DMD: variants seen among roughly 807,000 people sequenced by gnomAD.
The protein encoded by DMD is dystrophin, also known as mutant dystrophin.
DMD carries 63 observed loss-of-function variants against 330.1 expected under a neutral mutation model. The ratio of observed to expected loss-of-function variants is 0.19; its 90% CI spans 0.16 to 0.24. The LOEUF (loss-of-function observed/expected upper bound fraction) is 0.24. DMD is among the 10% of genes least tolerant of loss of function. The pLI is 1.00. For missense variants in DMD, 3,344 were observed against 2,684.1 expected, an observed-to-expected ratio of 1.25 and a Z score of -5.43; for synonymous variants, 1,223 against 959.8, an observed-to-expected ratio of 1.27 and a Z score of -5.07.
intron 44 of DMD, among the ~76,000 whole-genome samples, chrX:32,045,353 T>G (rs1295833049): frequency 5.2e-4 from 55 of 105,976 alleles, no homozygotes; most frequent in African/African-American, 1.8e-3. Flanking sequence ...TTTGTTTTTT[T>G]TTTTTTTAAA....
chrX:32,974,973 AGAAAAAGGAGTACT>A (rs1334559118), intron 2 of DMD, among the ~76,000 whole-genome samples: 1 of 112,116 alleles, frequency 8.9e-6, no homozygotes, highest in Non-Finnish European at 1.9e-5. Flanking sequence ...AAATGAAGCT[AGAAAAAGGAGTACT>A]GAAAATATTA....
At chrX:32,645,568 C>A (rs1305941942) in intron 9 of DMD, among the ~76,000 whole-genome samples, 1 of 111,283 alleles carries the variant, frequency 9.0e-6, no homozygotes, top group African/African-American at 3.3e-5. Flanking sequence ...TCCTGAGAGG[C>A]CCTAGGTAAT....
intron 17 of DMD, among the ~76,000 whole-genome samples, chrX:32,527,196 T>C (rs935194282): frequency 8.9e-6 from 1 of 112,067 alleles, no homozygotes; most frequent in Admixed American, 9.4e-5. Flanking sequence ...AGATAATTTA[T>C]GAAACCAATT....
chrX:33,011,697 T>A (rs1315966446), intron 2 of DMD, among the ~76,000 whole-genome samples: 1 of 112,312 alleles, frequency 8.9e-6, no homozygotes, highest in African/African-American at 3.2e-5. Flanking sequence ...AAGTATTTGT[T>A]AAATGTTGAA....
chrX:33,319,401 A>AC (rs2053982209), intron 1 of DMD, among the ~76,000 whole-genome samples: 2 of 111,322 alleles, frequency 1.8e-5, no homozygotes, highest in African/African-American at 6.5e-5. Flanking sequence ...TAATGTATTT[A>AC]GAAATCTGGG....
At chrX:32,038,134 A>G (rs2095965537) in intron 44 of DMD, among the ~76,000 whole-genome samples, 1 of 111,891 alleles carries the variant, frequency 8.9e-6, no homozygotes, top group Non-Finnish European at 1.9e-5. Context: ...GTAAATAGTC[A>G]TTGCTCTCTA....
chrX:32,408,187 T>C (rs1237471045), intron 30 of DMD, among the ~76,000 whole-genome samples: 1 of 111,925 alleles, frequency 8.9e-6, no homozygotes, highest in African/African-American at 3.2e-5. Context: ...GGTCAACACA[T>C]GCTGTTACAT....
At chrX:32,727,968 T>C (rs1212717603) in intron 7 of DMD, among the ~76,000 whole-genome samples, 1 of 111,665 alleles carries the variant, frequency 9.0e-6, no homozygotes, top group African/African-American at 3.3e-5. Context: ...AAAATGAGCT[T>C]GTATTTCTCA....
intron 2 of DMD, among the ~76,000 whole-genome samples, chrX:32,894,547 T>G (rs1280976333): frequency 8.9e-6 from 1 of 112,685 alleles, no homozygotes; most frequent in Non-Finnish European, 1.9e-5. Context: ...GACGTTCACC[T>G]GGCAACCTTC....
In DMD at chrX:31,605,476, TA is replaced by T. The variant is rs35898743; in HGVS notation, c.8217+22196del. Among the ~76,000 whole-genome samples, 7 of 111,574 alleles carry T rather than the reference TA, an allele frequency of 6.3e-5. No homozygotes were observed. In the East Asian group the frequency reaches 8.4e-4, roughly 13 times the overall value. Reference sequence around the variant, plus strand: ...GAAAATGTGTATCTGCATCAATTGTTAAAAAAAACCTTTTTTTTGGATAAAT... The same window carrying T: ...GAAAATGTGTATCTGCATCAATTGTTAAAAAAACCTTTTTTTTGGATAAAT... On this transcript the variant is annotated intron_variant, in intron 55 of 78. Transcript: ENST00000357033.
rs140776045 is a variant in DMD at position 32,434,657 on chromosome X, A to C, written c.4071+3584T>G. On this transcript the variant is annotated intron_variant, in intron 29 of 78. Transcript: ENST00000357033. The stretch of plus-strand genomic sequence containing the variant: ...ACTGCATCGAAACAACAGTCTTTTT[A>C]ACTAGATAGTGGAAATATCCAAAGG... Among the ~76,000 whole-genome samples the C allele has an allele frequency of 5.6e-3, 624 of 112,115 alleles. 5 individuals carry two copies. In the South Asian group the frequency reaches 0.068, roughly 12 times the overall value.
chrX:31,157,972 T>TA (rs922093318), intron 74 of DMD, among the ~76,000 whole-genome samples: 86 of 102,986 alleles, frequency 8.4e-4, no homozygotes, highest in Admixed American at 1.7e-3. Flanking sequence ...CCTGGCTAAT[T>TA]AAAAAAAAAA....
At chrX:31,757,191 A>AT (rs2089183907) in intron 51 of DMD, among the ~76,000 whole-genome samples, 1 of 111,801 alleles carries the variant, frequency 8.9e-6, no homozygotes, top group Non-Finnish European at 1.9e-5. Context: ...AACAAAAACA[A>AT]TATCATGTAG....
intron 4 of DMD, among the ~76,000 whole-genome samples, chrX:32,830,888 C>G (rs889819859): frequency 2.7e-5 from 3 of 110,960 alleles, no homozygotes; most frequent in African/African-American, 9.8e-5. Flanking sequence ...TTTAGAAACA[C>G]CTCAAGTTAC....
chrX:31,853,216 C>A (rs2093560935), intron 48 of DMD, among the ~76,000 whole-genome samples: 1 of 112,861 alleles, frequency 8.9e-6, no homozygotes, highest in Admixed American at 9.4e-5. Flanking sequence ...CAGAGGTTAG[C>A]AAACATTTTC....
chrX:31,896,911 T>A (rs1239201337), intron 47 of DMD, among the ~76,000 whole-genome samples: 1 of 110,869 alleles, frequency 9.0e-6, no homozygotes, highest in East Asian at 2.8e-4. Context: ...TTTCTTTGCT[T>A]TTTTCTTTTT....
chrX:32,388,318 G>GCA (rs1305398174), intron 32 of DMD, among the ~76,000 whole-genome samples: 2 of 88,356 alleles, frequency 2.3e-5, no homozygotes, highest in African/African-American at 4.8e-5. Context: ...CATGAATAAG[G>GCA]CACTTGGGTC....
chrX:31,773,171 A>C (rs1000677769), intron 51 of DMD, among the ~76,000 whole-genome samples: 2 of 112,408 alleles, frequency 1.8e-5, no homozygotes, highest in African/African-American at 6.5e-5. Context: ...GAAAGGCTTG[A>C]AAGCTGTTAC....
intron 7 of DMD, among the ~76,000 whole-genome samples, chrX:32,729,401 G>T (rs1337637836): frequency 8.9e-6 from 1 of 111,803 alleles, no homozygotes; most frequent in African/African-American, 3.3e-5. Flanking sequence ...CATTAATGTA[G>T]CACTTCAGCT....
Sources: allele counts gnomAD v4.1 joint callset (sites outside exome capture counted in the v4.1 genomes callset), GRCh38; gene constraint gnomAD v4.1.1; transcripts MANE v1.5; gene names NCBI Gene and HGNC (gene_info 2026-07-23, HGNC 2026-07-21).